The following DYNC2H1 variants were observed in gnomAD, a reference collection of about 807,000 sequenced individuals.
DYNC2H1 encodes cytoplasmic dynein 2 heavy chain 1.
In DYNC2H1, 410 loss-of-function variants were observed where a neutral mutation model predicts 570.0. The observed-to-expected ratio is 0.72, with a 90% CI of 0.66 to 0.78. The LOEUF is 0.78. Ranked by LOEUF, DYNC2H1 falls within the 30% of genes least tolerant of loss-of-function variation. The pLI, the probability that DYNC2H1 is intolerant of heterozygous loss-of-function variation, is 0.00. For synonymous variants in DYNC2H1, 1,688 were observed against 1,677.6 expected, an observed-to-expected ratio of 1.01 and a Z score of -0.15; for missense variants, 4,865 against 5,046.4, an observed-to-expected ratio of 0.96 and a Z score of 1.09.
rs111375449 is a variant in DYNC2H1, at chr11:103,121,515, G to C, written c.1485+19G>C. On this transcript the variant is annotated intron_variant, in intron 10 of 88. Transcript: ENST00000375735. ...ATTGAAGGTATTTATTTTAATAAAAGATGAAGAGTACTAATTATAAAATCT... is the reference window on the plus strand; with the variant it reads ...ATTGAAGGTATTTATTTTAATAAAACATGAAGAGTACTAATTATAAAATCT... 6.2e-7 allele frequency: 1 copy of C among 1,609,368 alleles called. No homozygotes were observed. Among genetic ancestry groups the C allele is most frequent in the Non-Finnish European group, 8.5e-7 (1 of 1,178,054 alleles).
intron 84 of DYNC2H1, among the ~76,000 whole-genome samples, chr11:103,426,508 T>C (rs1943678108): frequency 6.6e-6 from 1 of 152,216 alleles, no homozygotes; most frequent in South Asian, 2.1e-4. Flanking sequence ...ATATTGTCAA[T>C]AATTTTTAGT....
intron 87 of DYNC2H1, among the ~76,000 whole-genome samples, chr11:103,467,560 C>T (rs930367098): frequency 2.0e-5 from 3 of 149,034 alleles, no homozygotes; most frequent in Middle Eastern, 3.5e-3. Context: ...TGTTTTGAGG[C>T]GGAGTCTCAC....
intron 84 of DYNC2H1, among the ~76,000 whole-genome samples, chr11:103,427,624 T>C (rs1565590804): frequency 3.9e-5 from 6 of 152,192 alleles, no homozygotes; most frequent in Admixed American, 1.3e-4. Flanking sequence ...TGGTATCTGA[T>C]AAAAGTTTAC....
rs1391045406 is a variant in DYNC2H1, at chr11:103,155,190, G to A, written c.3574-141G>A. 5.0e-6 allele frequency: 4 copies of A among 807,834 alleles called. No individual in the cohort carries two copies. The East Asian group carries it at 8.7e-5, about 18-fold the overall frequency. The allele number at this position is 807,834 out of a possible 1,614,324, so 50.0% of individuals were successfully genotyped here. On this transcript the variant is annotated intron_variant, in intron 24 of 88. Coordinates refer to ENST00000375735, the MANE Select transcript of DYNC2H1 (RefSeq NM_001377.3). Reference sequence around the variant, plus strand: ...TTTATACAATTCTGTTTAAGAATATGATTTTAAGATTATTAAACAAGAAAA... The same window carrying A: ...TTTATACAATTCTGTTTAAGAATATAATTTTAAGATTATTAAACAAGAAAA...
At chr11:103,248,073 G>A (rs1210118207) in intron 65 of DYNC2H1, among the ~76,000 whole-genome samples, 1 of 151,996 alleles carries the variant, frequency 6.6e-6, no homozygotes, top group Non-Finnish European at 1.5e-5. Flanking sequence ...GGCCAAGAGG[G>A]TATTCAGATG....
At chr11:103,366,716 T>C (rs1027750589) in intron 83 of DYNC2H1, among the ~76,000 whole-genome samples, 14 of 152,138 alleles carry the variant, frequency 9.2e-5, no homozygotes, top group Admixed American at 2.6e-4. Flanking sequence ...GGATAATAGA[T>C]TGTCATAATG....
intron 37 of DYNC2H1, 133 bp downstream of exon 37, chr11:103,176,567 C>A (rs1367934668): frequency 7.7e-6 from 5 of 649,330 alleles, no homozygotes; most frequent in Non-Finnish European, 1.2e-5. Context: ...GGGAAGTCTT[C>A]CCAGATCTTC....
chr11:103,197,777 A>G (rs1366175691), intron 47 of DYNC2H1, among the ~76,000 whole-genome samples, 156 bp from the exon 48 acceptor site: 1 of 152,064 alleles, frequency 6.6e-6, no homozygotes, highest in Non-Finnish European at 1.5e-5. Flanking sequence ...GATTTTATTG[A>G]CCTTACAATG....
intron 75 of DYNC2H1, among the ~76,000 whole-genome samples, chr11:103,301,599 G>A (rs2135392504): frequency 6.6e-6 from 1 of 151,976 alleles, no homozygotes; most frequent in Middle Eastern, 3.4e-3. Flanking sequence ...GCCTCTAAAA[G>A]CAATTCATCA....
chr11:103,222,173 A>G lies in DYNC2H1; in HGVS notation c.9231+20A>G, dbSNP rs1278529697. 3.4e-6 allele frequency: 5 copies of G among 1,477,724 alleles called. No homozygotes were observed. In the African/African-American group the frequency reaches 5.7e-5, roughly 17 times the overall value. 91.5% of individuals were successfully genotyped at this position (1,477,724 alleles called of 1,614,324 possible). ...CCAAAGGTAATTTTTAAGTTATACT[A>G]TAAATTTGTTTTTCCATACCATATA... On this transcript the variant is annotated intron_variant, in intron 58 of 88. Coordinates refer to ENST00000375735, the MANE Select transcript of DYNC2H1 (RefSeq NM_001377.3).
intron 71 of DYNC2H1, among the ~76,000 whole-genome samples, chr11:103,281,669 T>A (rs1866140444): frequency 6.6e-6 from 1 of 151,752 alleles, no homozygotes; most frequent in Admixed American, 6.6e-5. Flanking sequence ...GGTGTAGATT[T>A]TCTTGGCACT....
chr11:103,152,190 G>C lies in DYNC2H1; in HGVS notation c.3001G>C (p.Ala1001Pro), dbSNP rs757282644. The C allele has an allele frequency of 6.2e-7, 1 of 1,608,686 alleles. No individual in the cohort carries two copies. The highest frequency in any genetic ancestry group is 1.1e-5 in the South Asian group (1 of 89,756). ...EDKNRLLRTVAGGGLETISNL... is the reference protein window; with the variant it reads ...EDKNRLLRTVPGGGLETISNL... Reference sequence around the variant, plus strand: ...CAAAAACAGACTTTTACGAACTGTGGCTGGTGGAGGTTTAGAAACAATTAG... The same window carrying C: ...CAAAAACAGACTTTTACGAACTGTGCCTGGTGGAGGTTTAGAAACAATTAG... Residue 1001 changes from alanine (A) to proline (P), a missense_variant, in exon 21 of 89, where the codon GCT (alanine) becomes CCT (proline). Physicochemically the swap from Ala to Pro is conservative, Grantham distance 27 (BLOSUM62 -1). Coordinates refer to ENST00000375735, the MANE Select transcript of DYNC2H1 (RefSeq NM_001377.3).
At chr11:103,351,646 C>G (rs577929444) in intron 82 of DYNC2H1, among the ~76,000 whole-genome samples, 1 of 152,188 alleles carries the variant, frequency 6.6e-6, no homozygotes, top group African/African-American at 2.4e-5. Flanking sequence ...TATGGTTGAA[C>G]CATATATTCA....
chr11:103,160,769 T>C (rs1311877338), intron 28 of DYNC2H1, among the ~76,000 whole-genome samples, 163 bp from the exon 29 acceptor site: 1 of 151,994 alleles, frequency 6.6e-6, no homozygotes, highest in African/African-American at 2.4e-5. Context: ...TTTCCCTCAA[T>C]AGGACATTTA....
chr11:103,191,960 A>C, intron 46 of DYNC2H1, 137 bp from the exon 47 acceptor site: 2 of 616,800 alleles, frequency 3.2e-6, no homozygotes, highest in Middle Eastern at 9.9e-4. Context: ...ATGAATTTTA[A>C]CTTTTTTTCC....
At chr11:103,437,127 C>T (rs1255198911) in intron 85 of DYNC2H1, among the ~76,000 whole-genome samples, 2 of 152,142 alleles carry the variant, frequency 1.3e-5, no homozygotes, top group Admixed American at 6.6e-5. Flanking sequence ...ACTGACTCCC[C>T]TTTTCCTTAG....
chr11:103,407,929 A>G (rs1370710971), intron 84 of DYNC2H1: 5 of 152,080 alleles, frequency 3.3e-5, no homozygotes, highest in African/African-American at 9.6e-5. Context: ...AGAACTGATA[A>G]TAGGATAATG....
chr11:103,353,505 G>C (rs1478926744), intron 82 of DYNC2H1, among the ~76,000 whole-genome samples: 2 of 151,986 alleles, frequency 1.3e-5, no homozygotes, highest in African/African-American at 4.8e-5. Context: ...TACAACATCT[G>C]TGTTTTTAAG....
chr11:103,375,608 AG>A (rs1377097794), intron 83 of DYNC2H1, among the ~76,000 whole-genome samples: 1 of 152,230 alleles, frequency 6.6e-6, no homozygotes, highest in Non-Finnish European at 1.5e-5. Flanking sequence ...ATGGAGTCAA[AG>A]GAGATTGTTT....
Sources: gnomAD v4.1 joint callset for allele counts (sites outside exome capture counted in the v4.1 genomes callset) on GRCh38, gnomAD v4.1.1 for gene constraint, MANE v1.5 for transcripts, NCBI Gene and HGNC (gene_info 2026-07-23, HGNC 2026-07-21) for gene names.